Variants in AUTS2 observed in about 807,000 individuals in gnomAD.
AUTS2 encodes the protein autism susceptibility gene 2 protein.
In AUTS2, 17 loss-of-function variants were observed where a neutral mutation model predicts 112.4. The ratio of observed to expected loss-of-function variants is 0.15; its 90% confidence interval spans 0.10 to 0.23. AUTS2 has a LOEUF of 0.23. Among genes scored for constraint, AUTS2 ranks in the 10% least tolerant of loss-of-function variants. The probability of loss-of-function intolerance (pLI) is 1.00; values close to 1 mark genes in which losing one functional copy is unlikely to be tolerated. For missense variants in AUTS2, 1,510 were observed against 1,701.6 expected, an observed-to-expected ratio of 0.89 and a Z score of 1.98; for synonymous variants, 751 against 702.7, an observed-to-expected ratio of 1.07 and a Z score of -1.09.
chr7:69,783,003 C>T (rs1789207858), intron 1 of AUTS2, among the ~76,000 whole-genome samples: 1 of 151,872 alleles, frequency 6.6e-6, no homozygotes, highest in Non-Finnish European at 1.5e-5. Flanking sequence ...CCATGGTCCA[C>T]ATGCTGTGGT....
At chr7:70,252,698 C>T (rs542092689) in intron 4 of AUTS2, among the ~76,000 whole-genome samples, 1 of 152,074 alleles carries the variant, frequency 6.6e-6, no homozygotes, top group Non-Finnish European at 1.5e-5. Flanking sequence ...ATGTTTTTTT[C>T]CAGTAGTTTT....
chr7:70,339,389 C>T (rs1019214078), intron 4 of AUTS2, among the ~76,000 whole-genome samples: 9 of 152,122 alleles, frequency 5.9e-5, no homozygotes, highest in Admixed American at 3.9e-4. Flanking sequence ...TCCAAAACAA[C>T]GTGCTAATTT....
In AUTS2 at chr7:70,135,745, A is replaced by G. The variant is rs142131776; in HGVS notation, c.660+1174A>G. Among the ~76,000 whole-genome samples, 332 of 152,264 alleles carry G rather than the reference A, an allele frequency of 2.2e-3. 2 individuals carry two copies. The highest frequency in any genetic ancestry group is 7.1e-3 in the African/African-American group (293 of 41,552). On this transcript the variant is annotated intron_variant, in intron 4 of 18. Coordinates refer to ENST00000342771, the MANE Select transcript of AUTS2 (RefSeq NM_015570.4). ...AGTTAGCACACTTACCCTTGCTCCT[A>G]CTTATTGTGGCTGAATATTCATGCT...
intron 4 of AUTS2, among the ~76,000 whole-genome samples, chr7:70,383,806 T>C (rs1376443062): frequency 6.6e-6 from 1 of 152,360 alleles, no homozygotes; most frequent in African/African-American, 2.4e-5. Context: ...GGAGACTTAC[T>C]GTTTGCTGCC....
intron 1 of AUTS2, among the ~76,000 whole-genome samples, chr7:69,719,811 A>G (rs1798821088): frequency 2.6e-5 from 4 of 152,132 alleles, no homozygotes; most frequent in Admixed American, 2.6e-4. Flanking sequence ...ACTGCTGTTA[A>G]TCATAGGGGG....
At chr7:70,278,879 A>G (rs760407522) in intron 4 of AUTS2, among the ~76,000 whole-genome samples, 12 of 152,318 alleles carry the variant, frequency 7.9e-5, no homozygotes, top group Non-Finnish European at 1.8e-4. Context: ...CAAACTGCCA[A>G]CAAAGTTGTT....
intron 1 of AUTS2, among the ~76,000 whole-genome samples, chr7:69,818,036 G>A (rs1790837088): frequency 6.6e-6 from 1 of 152,146 alleles, no homozygotes; most frequent in Non-Finnish European, 1.5e-5. Flanking sequence ...ATTTACATAA[G>A]GAGCTGTCAG....
At position 70,589,285 on chromosome 7, in the gene AUTS2, G is replaced by A. The variant is rs553573230; in HGVS notation, c.691-109284G>A. 3.3e-5 allele frequency among the ~76,000 whole-genome samples: 5 copies of A among 152,314 alleles called. No individual in the cohort carries two copies. The East Asian group carries it at 7.7e-4, about 24-fold the overall frequency. ...CACTCCTCCCATGTGGGGAACAAAC[G>A]AGAGCCCTCCCAGGGGGCGAAGTGG... On this transcript the variant is annotated intron_variant, in intron 5 of 18. Coordinates refer to ENST00000342771, the MANE Select transcript of AUTS2 (RefSeq NM_015570.4).
chr7:70,543,627 C>G (rs1170985381), intron 5 of AUTS2, among the ~76,000 whole-genome samples: 8 of 152,166 alleles, frequency 5.3e-5, no homozygotes, highest in Admixed American at 2.0e-4. Context: ...GCTGGCCCAC[C>G]ACTACCTGAC....
chr7:70,316,523 C>G (rs1790006433), intron 4 of AUTS2, among the ~76,000 whole-genome samples: 1 of 151,716 alleles, frequency 6.6e-6, no homozygotes, highest in Admixed American at 6.6e-5. Flanking sequence ...CCTGCCTCAG[C>G]CACCCGAGCA....
intron 5 of AUTS2, among the ~76,000 whole-genome samples, chr7:70,486,703 G>A (rs1307993206): frequency 2.0e-5 from 3 of 152,132 alleles, no homozygotes; most frequent in African/African-American, 7.2e-5. Context: ...AGGTTGCAGT[G>A]AGCCAAGATC....
At chr7:69,850,175 T>C (rs1017700076) in intron 1 of AUTS2, among the ~76,000 whole-genome samples, 1 of 151,368 alleles carries the variant, frequency 6.6e-6, no homozygotes, top group Non-Finnish European at 1.5e-5. Context: ...GGCATGCGCC[T>C]GTAGTCCCAG....
chr7:70,191,992 A>G lies in AUTS2; in HGVS notation c.660+57421A>G, dbSNP rs1160907731. Among the ~76,000 whole-genome samples, 17 of 152,204 alleles carry G rather than the reference A, an allele frequency of 1.1e-4. No homozygotes were observed. The East Asian group carries it at 3.1e-3, about 28-fold the overall frequency. On this transcript the variant is annotated intron_variant, in intron 4 of 18. Transcript: ENST00000342771. ...TGAGGCAGGGGAGAAAGAAAAAAAAAAAGAAAAGAGAAAAGTAGTCACTTG... is the reference window on the plus strand; with the variant it reads ...TGAGGCAGGGGAGAAAGAAAAAAAAGAAGAAAAGAGAAAAGTAGTCACTTG...
intron 6 of AUTS2, among the ~76,000 whole-genome samples, chr7:70,733,650 G>A (rs1787592837): frequency 6.6e-6 from 1 of 151,608 alleles, no homozygotes. Context: ...ACAGTGGGGT[G>A]GTCTCGGCAC....
At chr7:69,721,584 A>G (rs1431031208) in intron 1 of AUTS2, among the ~76,000 whole-genome samples, 1 of 152,180 alleles carries the variant, frequency 6.6e-6, no homozygotes, top group Non-Finnish European at 1.5e-5. Flanking sequence ...TGCCTATCAC[A>G]GTGAGAAGAG....
intron 4 of AUTS2, among the ~76,000 whole-genome samples, chr7:70,193,576 G>A (rs1434115649): frequency 1.3e-5 from 2 of 152,144 alleles, no homozygotes; most frequent in East Asian, 1.9e-4. Context: ...AGGACACCTC[G>A]TCTGATTTCA....
At chr7:69,738,258 C>T (rs1039317116) in intron 1 of AUTS2, among the ~76,000 whole-genome samples, 1 of 151,782 alleles carries the variant, frequency 6.6e-6, no homozygotes, top group Non-Finnish European at 1.5e-5. Context: ...CCTTTTTCAT[C>T]CCCTTCTCTC....
intron 5 of AUTS2, among the ~76,000 whole-genome samples, chr7:70,636,349 A>G (rs2129539348): frequency 6.6e-6 from 1 of 152,280 alleles, no homozygotes. Context: ...CCAGTCCTCT[A>G]GGTGATGTTG....
At chr7:70,520,850 T>C (rs1268206153) in intron 5 of AUTS2, among the ~76,000 whole-genome samples, 1 of 152,208 alleles carries the variant, frequency 6.6e-6, no homozygotes, top group Non-Finnish European at 1.5e-5. Flanking sequence ...CTTCAACAAT[T>C]CTTTCCTAAT....
Sources: gnomAD v4.1 joint callset for allele counts (sites outside exome capture counted in the v4.1 genomes callset) on GRCh38, gnomAD v4.1.1 for gene constraint, MANE v1.5 for transcripts, NCBI Gene and HGNC (gene_info 2026-07-23, HGNC 2026-07-21) for gene names.